Variants in MYO5A observed in about 807,000 individuals in gnomAD.
The protein encoded by MYO5A is myosin VA, also known as unconventional myosin-Va.
A neutral mutation model predicts 249.7 loss-of-function variants in MYO5A; 98 were observed. The observed-to-expected ratio is 0.39, with a 90% confidence interval of 0.33 to 0.46. The LOEUF is 0.46. MYO5A is among the 20% of genes least tolerant of loss of function. The pLI, the probability that MYO5A is intolerant of heterozygous loss-of-function variation, is 0.98. For synonymous variants in MYO5A, 778 were observed against 810.6 expected (o/e 0.96, Z 0.68); for missense variants, 1,696 against 2,308.8 (o/e 0.73, Z 5.44).
intron 1 of MYO5A, among the ~76,000 whole-genome samples, chr15:52,471,621 C>CACACACACACACACA (rs1567158075): frequency 6.0e-5 from 2 of 33,062 alleles, no homozygotes; most frequent in African/African-American, 1.9e-4. Flanking sequence ...ACACACACAC[C>CACACACACACACACA]CCAAACAAAA....
intron 1 of MYO5A, among the ~76,000 whole-genome samples, chr15:52,460,696 G>C (rs1567147720): frequency 6.6e-6 from 1 of 152,082 alleles, no homozygotes; most frequent in Non-Finnish European, 1.5e-5. Flanking sequence ...GAAATTTTTT[G>C]TAGCGTTATA....
In MYO5A at chr15:52,353,612, G is replaced by A; in HGVS notation, c.3614C>T (p.Ser1205Leu). 1 of 1,613,922 alleles carries A rather than the reference G, an allele frequency of 6.2e-7. No individual in the cohort carries two copies. The highest frequency in any genetic ancestry group is 8.5e-7 in the Non-Finnish European group (1 of 1,179,768). ...GCAGAAACTCCCCATTACCTTGAGTGACTCATATTCCAGTTCTGCACCTCT... is the reference window on the plus strand; with the variant it reads ...GCAGAAACTCCCCATTACCTTGAGTAACTCATATTCCAGTTCTGCACCTCT... ...QIRGAELEYE[S>L]LKRQELESEN... The change falls in exon 27 of 42, where the codon TCA becomes TTA. Residue 1205 changes from serine to leucine, a missense_variant. By Grantham distance (145) the Ser-to-Leu change is moderately radical. Transcript: ENST00000399233.
intron 1 of MYO5A, among the ~76,000 whole-genome samples, chr15:52,438,697 G>T (rs1290259637): frequency 1.3e-5 from 2 of 152,244 alleles, no homozygotes; most frequent in Non-Finnish European, 2.9e-5. Flanking sequence ...CAGCGGGAGG[G>T]ACAATGATCG....
intron 1 of MYO5A, among the ~76,000 whole-genome samples, chr15:52,462,964 T>G (rs988556600): frequency 1.3e-5 from 2 of 152,208 alleles, no homozygotes; most frequent in Non-Finnish European, 2.9e-5. Flanking sequence ...AGTGGTATGA[T>G]TGAACTGATA....
intron 1 of MYO5A, among the ~76,000 whole-genome samples, chr15:52,479,026 C>T (rs770827960): frequency 2.8e-4 from 43 of 151,770 alleles, no homozygotes; most frequent in African/African-American, 7.0e-4. Context: ...GATGGAGTCT[C>T]GCTCTGTCAC....
In MYO5A at chr15:52,312,355, T is replaced by C. The variant is rs1027283806; in HGVS notation, c.*1341A>G. ...GAATATTCTGACAATCCTCTCTAGA[T>C]AGTGAGTGAGATTCTTTTTTTTTCC... On this transcript the variant is annotated 3_prime_UTR_variant, in exon 42 of 42. Coordinates refer to ENST00000399233, the MANE Select transcript of MYO5A (RefSeq NM_001382347.1). 3 of 152,126 alleles carry C rather than the reference T, an allele frequency of 2.0e-5. No individual in the cohort carries two copies. The highest frequency in any genetic ancestry group is 1.3e-4 in the Admixed American group (2 of 15,270). The allele number at this position is 152,126 out of a possible 1,614,324, so 9.4% of individuals were successfully genotyped here.
intron 2 of MYO5A, 56 bp downstream of exon 2, chr15:52,433,119 A>C: frequency 7.9e-7 from 1 of 1,268,076 alleles, no homozygotes; most frequent in Non-Finnish European, 1.2e-6. Context: ...GTAAATTTAC[A>C]CTTTTGAACT....
At chr15:52,353,690 T>A in intron 26 of MYO5A, 32 bp from the exon 27 acceptor site, 3 of 1,600,636 alleles carry the variant, frequency 1.9e-6, no homozygotes, top group Non-Finnish European at 2.6e-6. Context: ...ATATTTTAAT[T>A]GTCACATTTT....
Position 52,431,457 on chromosome 15 carries a change from A to T in MYO5A, c.138+1718T>A, listed in dbSNP as rs148227693. Among the ~76,000 whole-genome samples, 68 of 152,170 alleles carry T rather than the reference A, an allele frequency of 4.5e-4. 1 individual carries two copies. The East Asian group carries it at 7.1e-3, about 16-fold the overall frequency. On this transcript the variant is annotated intron_variant, in intron 2 of 41. Coordinates refer to ENST00000399233, the MANE Select transcript of MYO5A (RefSeq NM_001382347.1). Reference sequence around the variant, plus strand: ...AGTAAGTATAGATGGTTGAGTATACATTAGTATAGTATGCATACATATTAG... The same window carrying T: ...AGTAAGTATAGATGGTTGAGTATACTTTAGTATAGTATGCATACATATTAG...
rs761703649 is a variant in MYO5A at position 52,313,862 on chromosome 15, G to GA, written c.5491-15dup. ...TCGTAAACGCATCTGAGAAGATTAG[G>GA]AAAAAAAATAAACAGAGCATCAGTT... is the stretch of plus-strand genomic sequence containing the variant. On this transcript the variant is annotated splice_polypyrimidine_tract_variant and intron_variant, in intron 41 of 41. Coordinates refer to ENST00000399233, the MANE Select transcript of MYO5A (RefSeq NM_001382347.1). 5.6e-6 allele frequency: 9 copies of GA among 1,612,334 alleles called. No homozygotes were observed. Among genetic ancestry groups the GA allele is most frequent in the East Asian group, 4.5e-5 (2 of 44,858 alleles).
chr15:52,363,071 A>AG (rs560257937), intron 24 of MYO5A, among the ~76,000 whole-genome samples: 77 of 152,334 alleles, frequency 5.1e-4, no homozygotes, highest in African/African-American at 1.8e-3. Flanking sequence ...CCAAATAACT[A>AG]GGGGGTCTCA....
At chr15:52,316,233 C>CAAAAAAAAAAAAAAAA (rs5812596) in intron 40 of MYO5A, among the ~76,000 whole-genome samples, 2 of 60,348 alleles carry the variant, frequency 3.3e-5, no homozygotes, top group Non-Finnish European at 5.7e-5. Flanking sequence ...GACTCCGTCA[C>CAAAAAAAAAAAAAAAA]AAAAAAAAAA....
intron 30 of MYO5A, 63 bp from the exon 31 acceptor site, chr15:52,343,260 G>T: frequency 6.8e-6 from 9 of 1,321,972 alleles, no homozygotes; most frequent in Non-Finnish European, 9.8e-6. Context: ...ATGAGGTGAC[G>T]ATGGTCAACA....
chr15:52,453,135 A>T (rs1453463979), intron 1 of MYO5A, among the ~76,000 whole-genome samples: 1 of 152,160 alleles, frequency 6.6e-6, no homozygotes, highest in Non-Finnish European at 1.5e-5. Flanking sequence ...ATAATAATCA[A>T]ATTCTCAAAG....
intron 35 of MYO5A, 130 bp from the exon 36 acceptor site, chr15:52,328,136 T>C: frequency 1.3e-6 from 1 of 746,866 alleles, no homozygotes; most frequent in Non-Finnish European, 2.2e-6. Context: ...ATAAAAAGTG[T>C]ATTTTAATAG....
In MYO5A at chr15:52,408,063, T is replaced by A. The variant is rs1296598028; in HGVS notation, c.834A>T (p.Arg278=). The part of the protein sequence containing the change: ...SAKLPEFKML[R]LGNADNFNYT... ...AATTTAATGCCATATTCATACCTAA[T>A]CGTAGCATTTTAAATTCAGGTAACT... is the stretch of plus-strand genomic sequence containing the variant. The change falls in exon 7 of 42, where the codon CGA becomes CGT. Residue 278 remains arginine (R), a synonymous_variant. Coordinates refer to ENST00000399233, the MANE Select transcript of MYO5A (RefSeq NM_001382347.1). 1 of 1,571,950 alleles carries A rather than the reference T, an allele frequency of 6.4e-7. No homozygotes were observed. The highest frequency in any genetic ancestry group is 1.4e-5 in the African/African-American group (1 of 73,946).
chr15:52,313,838 C>A lies in MYO5A; in HGVS notation c.5501G>T (p.Arg1834Leu). 6.2e-7 allele frequency: 1 copy of A among 1,613,748 alleles called. No individual in the cohort carries two copies. The highest frequency in any genetic ancestry group is 8.5e-7 in the Non-Finnish European group (1 of 1,179,918). Reference protein sequence around the residue: ...SFIRTIQMRLRDRKDSPQLLM... With the variant: ...SFIRTIQMRLLDRKDSPQLLM... ...CAGCTGGGGAGAGTCTTTCCTGTCT[C>A]GTAAACGCATCTGAGAAGATTAGGA... Residue 1834 changes from arginine to leucine, a missense_variant, in exon 42 of 42, where the codon CGA (arginine) becomes CTA (leucine). Arg to Leu is a moderately radical substitution (Grantham distance 102). Around this residue, in one of 5 missense-constraint regions of MYO5A, gnomAD observed 625 missense variants for 908.1 expected, o/e 0.69. Coordinates refer to ENST00000399233, the MANE Select transcript of MYO5A (RefSeq NM_001382347.1).
Position 52,340,248 on chromosome 15 carries a change from C to A in MYO5A, c.4187G>T (p.Arg1396Leu). The change falls in exon 32 of 42, where the codon CGC (arginine) becomes CTC (leucine). Residue 1396 changes from arginine (R) to leucine (L), a missense_variant. This residue lies in a region of MYO5A where 625 missense variants were observed against 908.1 expected (regional missense o/e 0.69). Transcript: ENST00000399233. Reference protein sequence around the residue: ...AQNLQLPPEARIEASLQHEIT... With the variant: ...AQNLQLPPEALIEASLQHEIT... ...CTCGTGCTGCAGGCTGGCCTCAATG[C>A]GGGCCTCTGGGGGCAGCTGCAGGTT... 6.2e-7 allele frequency: 1 copy of A among 1,614,006 alleles called. No individual in the cohort carries two copies. The highest frequency in any genetic ancestry group is 8.5e-7 in the Non-Finnish European group (1 of 1,180,014).
chr15:52,333,340 A>AT (rs2038974670), intron 34 of MYO5A, among the ~76,000 whole-genome samples: 1 of 152,208 alleles, frequency 6.6e-6, no homozygotes, highest in Non-Finnish European at 1.5e-5. Context: ...TTTTAAAAAA[A>AT]TTTACTTTTG....
Sources: allele counts gnomAD v4.1 joint callset (sites outside exome capture counted in the v4.1 genomes callset), GRCh38; gene constraint gnomAD v4.1.1; regional missense constraint gnomAD v4.1.1; transcripts MANE v1.5; gene names NCBI Gene and HGNC (gene_info 2026-07-23, HGNC 2026-07-21).